The following UBR4 variants were observed in gnomAD, a reference collection of about 807,000 sequenced individuals.
UBR4 encodes the protein ubiquitin protein ligase E3 component n-recognin 4.
A neutral mutation model predicts 575.6 loss-of-function variants in UBR4; 124 were observed. The ratio of observed to expected loss-of-function variants is 0.22; its 90% CI spans 0.19 to 0.25. The LOEUF (loss-of-function observed/expected upper bound fraction) is 0.25, where lower values mean the gene tolerates loss of function less well. Ranked by LOEUF, UBR4 falls within the 10% of genes least tolerant of loss-of-function variation. The probability of loss-of-function intolerance (pLI) is 1.00; values close to 1 mark genes in which losing one functional copy is unlikely to be tolerated. For missense variants in UBR4, 4,818 were observed against 6,478.8 expected (o/e 0.74, Z 8.80); for synonymous variants, 2,455 against 2,473.7 (o/e 0.99, Z 0.22).
chr1:19,132,891 A>G (rs557547406), intron 60 of UBR4, among the ~76,000 whole-genome samples: 91 of 152,238 alleles, frequency 6.0e-4, no homozygotes, highest in Non-Finnish European at 9.3e-4. Context: ...TTCCTTGTAA[A>G]ATACGATATA....
At chr1:19,167,860 T>TA (rs2088780861) in intron 28 of UBR4, among the ~76,000 whole-genome samples, 167 bp downstream of exon 28, 1 of 152,208 alleles carries the variant, frequency 6.6e-6, no homozygotes, top group Non-Finnish European at 1.5e-5. Context: ...AGATCTAAGT[T>TA]AAAAAATCAT....
In UBR4 at chr1:19,144,966, A is replaced by C. The variant is rs1030468521; in HGVS notation, c.7946-59T>G. 19 of 1,600,892 alleles carry C rather than the reference A, an allele frequency of 1.2e-5. No homozygotes were observed. The African/African-American group carries it at 2.4e-4, about 20-fold the overall frequency. ...GAGGAAAAAACTCTAACTACTTGAG[A>C]GTCTGAGACAAAAGTGTAACCTTTT... On this transcript the variant is annotated intron_variant, in intron 53 of 105. Coordinates refer to ENST00000375254, the MANE Select transcript of UBR4 (RefSeq NM_020765.3).
rs570869287 is a variant in UBR4 at position 19,162,255 on chromosome 1, A to G, written c.4956+165T>C. The stretch of plus-strand genomic sequence containing the variant: ...AAAAGTCCTTTCCACAAGAGATTAG[A>G]TCCCCATGCCTTGCTCTGAAGGCCT... On this transcript the variant is annotated intron_variant, in intron 35 of 105. Coordinates refer to ENST00000375254, the MANE Select transcript of UBR4 (RefSeq NM_020765.3). Among the ~76,000 whole-genome samples the G allele has an allele frequency of 1.4e-3, 211 of 152,318 alleles. 1 individual carries two copies. Among genetic ancestry groups the G allele is most frequent in the Non-Finnish European group, 2.6e-3 (176 of 68,020 alleles).
At chr1:19,176,502 A>G (rs1401308386) in intron 20 of UBR4, 90 bp downstream of exon 20, 3 of 1,506,918 alleles carry the variant, frequency 2.0e-6, no homozygotes, top group African/African-American at 2.8e-5. Flanking sequence ...GCAAATGACC[A>G]AAGATCCTCC....
chr1:19,137,861 T>G (rs1272369479), intron 60 of UBR4, 146 bp downstream of exon 60: 1 of 889,238 alleles, frequency 1.1e-6, no homozygotes, highest in Non-Finnish European at 1.6e-6. Flanking sequence ...CCTAAGACTT[T>G]AAACTGTTTC....
Position 19,152,523 on chromosome 1 carries a change from C to T in UBR4, c.6833-47G>A. The T allele has an allele frequency of 6.2e-7, 1 of 1,609,188 alleles. No homozygotes were observed. The highest frequency in any genetic ancestry group is 8.5e-7 in the Non-Finnish European group (1 of 1,177,658). On this transcript the variant is annotated intron_variant, in intron 46 of 105. Coordinates refer to ENST00000375254, the MANE Select transcript of UBR4 (RefSeq NM_020765.3). This position sits in a 1 kb window ranked among gnomAD's most constrained non-coding sequence, Gnocchi z 4.4. ...CGTCAAGAGTCTCTCCCACCTCTGC[C>T]CCAACACCACTGGTAAAGACTCCTC...
At chr1:19,159,994 G>A in intron 39 of UBR4, 117 bp downstream of exon 39, 1 of 1,328,782 alleles carries the variant, frequency 7.5e-7, no homozygotes. Context: ...CTAAGTTTTG[G>A]ATGGCCAAGC....
intron 33 of UBR4, 57 bp downstream of exon 33, chr1:19,164,196 G>A: frequency 6.4e-7 from 1 of 1,552,610 alleles, no homozygotes; most frequent in Non-Finnish European, 8.7e-7. Context: ...TATAAAGAAA[G>A]TAACCCACTT....
rs566651556 is a variant in UBR4 at position 19,110,646 on chromosome 1, C to A, written c.11892+96G>T. 2.2e-5 allele frequency: 32 copies of A among 1,449,836 alleles called. No individual in the cohort carries two copies. The East Asian group carries it at 7.0e-4, about 32-fold the overall frequency. The allele number at this position is 1,449,836 out of a possible 1,614,324, so 89.8% of individuals were successfully genotyped here. ...TGGGGTAATGTTCTGCTCCTTCCCT[C>A]CTCAGTCACCGCAGGACCTGGGAGG... On this transcript the variant is annotated intron_variant, in intron 79 of 105. Transcript: ENST00000375254. The surrounding 1 kb of genome is among the most constrained non-coding windows in gnomAD (Gnocchi z 4.5).
intron 49 of UBR4, chr1:19,149,644 C>A (rs889240889): frequency 3.2e-6 from 3 of 933,378 alleles, no homozygotes; most frequent in South Asian, 1.5e-5. Flanking sequence ...ATGACCAGAA[C>A]AGAAAGAAGC....
chr1:19,160,821 G>A (rs2087221034), intron 38 of UBR4, 96 bp downstream of exon 38: 4 of 1,173,376 alleles, frequency 3.4e-6, no homozygotes, highest in Admixed American at 4.1e-5. Context: ...AGGAGAAAAT[G>A]AGTTGCAAGG....
rs760346743 is a variant in UBR4 at position 19,081,440 on chromosome 1, G to A, written c.15142C>T (p.Pro5048Ser). The A allele has an allele frequency of 1.2e-6, 2 of 1,614,046 alleles. No homozygotes were observed. The highest frequency in any genetic ancestry group is 1.7e-6 in the Non-Finnish European group (2 of 1,180,010). The change falls in exon 103 of 106, where the codon CCT becomes TCT. Residue 5048 changes from proline to serine, a missense_variant. This residue lies in a region of UBR4 where 212 missense variants were observed against 221.3 expected (regional missense o/e 0.96). Coordinates refer to ENST00000375254, the MANE Select transcript of UBR4 (RefSeq NM_020765.3). ...FTVLALHILP[P>S]EQWRATRVEI... Reference sequence around the variant, plus strand: ...ACACGTGTGGCTCTCCACTGCTCAGGGGGCAGGATGTGAAGGGCCAAGACT... The same window carrying A: ...ACACGTGTGGCTCTCCACTGCTCAGAGGGCAGGATGTGAAGGGCCAAGACT...
chr1:19,162,689 AT>A, intron 34 of UBR4, 78 bp from the exon 35 acceptor site: 1 of 1,462,822 alleles, frequency 6.8e-7, no homozygotes, highest in Non-Finnish European at 9.1e-7. Context: ...GCTTTTTCAA[AT>A]AAAGCTCAAG....
rs2078531832 is a variant in UBR4 at position 19,100,667 on chromosome 1, A to G, written c.13024-94T>C. 1.6e-6 allele frequency: 2 copies of G among 1,231,058 alleles called. No individual in the cohort carries two copies. Among genetic ancestry groups the G allele is most frequent in the Non-Finnish European group, 1.2e-6 (1 of 859,426 alleles). The allele number at this position is 1,231,058 out of a possible 1,614,324, so 76.3% of individuals were successfully genotyped here. ...TTCCATGGACACTCGAGGAAAACAC[A>G]CCAAACTCAGCAAGCCCCCCAAACA... is the stretch of plus-strand genomic sequence containing the variant. On this transcript the variant is annotated intron_variant, in intron 88 of 105. Coordinates refer to ENST00000375254, the MANE Select transcript of UBR4 (RefSeq NM_020765.3). The surrounding 1 kb of genome is among the most constrained non-coding windows in gnomAD (Gnocchi z 4.2).
chr1:19,087,872 G>T lies in UBR4; in HGVS notation c.14488C>A (p.Leu4830Met), dbSNP rs1381045331. 6.2e-7 allele frequency: 1 copy of T among 1,611,516 alleles called. No homozygotes were observed. The highest frequency in any genetic ancestry group is 1.1e-5 in the South Asian group (1 of 90,402). ...CACGTGAGGCCAGGCTCCTCGATCA[G>T]CTCTTCCATCTGCTTCAGGAGTGCT... The part of the protein sequence containing the change: ...KTALLKQMEE[L>M]IEEPGLTCCI... The change falls in exon 99 of 106, where the codon CTG becomes ATG. Residue 4830 changes from leucine (L) to methionine (M), a missense_variant. Around this residue, in one of 29 missense-constraint regions of UBR4, gnomAD observed 196 missense variants for 386.8 expected, o/e 0.51. Transcript: ENST00000375254.
chr1:19,208,702 T>C (rs2093148204), intron 1 of UBR4, among the ~76,000 whole-genome samples: 1 of 152,094 alleles, frequency 6.6e-6, no homozygotes, highest in South Asian at 2.1e-4. Flanking sequence ...TATTACAGCT[T>C]TAAAGGTGGC....
At chr1:19,098,550 A>C (rs2078287627) in intron 90 of UBR4, among the ~76,000 whole-genome samples, 1 of 152,158 alleles carries the variant, frequency 6.6e-6, no homozygotes, top group Non-Finnish European at 1.5e-5. Context: ...TCAGGGATTA[A>C]ATCTGTATTG....
rs766351812 is a variant in UBR4 at position 19,173,474 on chromosome 1, G to T, written c.3130C>A (p.Arg1044=). The part of the protein sequence containing the change: ...DILHTLRWSS[R]LRISSYVNWI... ...TTGACATAGGAGCTGATCCGGAGCC[G>T]AGAAGACCATCGCAGAGTGTGCAAG... is the stretch of plus-strand genomic sequence containing the variant. The change falls in exon 23 of 106, where the codon CGG becomes AGG. Residue 1044 remains arginine (R), a synonymous_variant. Coordinates refer to ENST00000375254, the MANE Select transcript of UBR4 (RefSeq NM_020765.3). 6.2e-7 allele frequency: 1 copy of T among 1,614,116 alleles called. No homozygotes were observed.
intron 64 of UBR4, among the ~76,000 whole-genome samples, 192 bp from the exon 65 acceptor site, chr1:19,124,882 T>A (rs2081555793): frequency 6.6e-6 from 1 of 152,142 alleles, no homozygotes; most frequent in Admixed American, 6.5e-5. Context: ...CCAATTTAAT[T>A]ACATGCAAAG....
Sources: gnomAD v4.1 joint callset for allele counts (sites outside exome capture counted in the v4.1 genomes callset) on GRCh38, gnomAD v4.1.1 for gene constraint, gnomAD v4.1.1 regional missense constraint, Gnocchi (gnomAD v3.1) non-coding constraint, MANE v1.5 for transcripts, NCBI Gene and HGNC (gene_info 2026-07-23, HGNC 2026-07-21) for gene names.